LSAMP: variants seen among roughly 807,000 people sequenced by gnomAD.
The protein encoded by LSAMP is limbic system-associated membrane protein.
A neutral mutation model predicts 38.6 loss-of-function variants in LSAMP; 7 were observed. The observed-to-expected ratio is 0.18, with a 90% CI of 0.10 to 0.34. The LOEUF is 0.34. Ranked by LOEUF, LSAMP falls within the 10% of genes least tolerant of loss-of-function variation. The pLI is 1.00. For synonymous variants in LSAMP, 154 were observed against 166.8 expected (o/e 0.92, Z 0.59); for missense variants, 313 against 420.0 (o/e 0.75, Z 2.23).
rs762819739 is a variant in LSAMP, at chr3:115,808,440, C to T, written c.*1877G>A. On this transcript the variant is annotated 3_prime_UTR_variant, in exon 7 of 7. Transcript: ENST00000490035. ...TCTATATGCAGAGAGCCAGCTCTCT[C>T]GGCAAGACATTTCCTAAGAAATCCT... 2 of 152,120 alleles carry T rather than the reference C, an allele frequency of 1.3e-5. No individual in the cohort carries two copies. The highest frequency in any genetic ancestry group is 2.4e-5 in the African/African-American group (1 of 41,498). The allele number at this position is 152,120 out of a possible 1,614,324, so 9.4% of individuals were successfully genotyped here.
chr3:116,042,615 A>G (rs1941200087), intron 2 of LSAMP, among the ~76,000 whole-genome samples: 2 of 152,108 alleles, frequency 1.3e-5, no homozygotes, highest in Non-Finnish European at 2.9e-5. Flanking sequence ...ATTTTAGTAG[A>G]GACGGGGTTT....
chr3:115,972,794 A>T (rs1478205028), intron 3 of LSAMP, among the ~76,000 whole-genome samples: 1 of 150,784 alleles, frequency 6.6e-6, no homozygotes, highest in Non-Finnish European at 1.5e-5. Flanking sequence ...AATAATAGAT[A>T]TGTGATGCAG....
intron 1 of LSAMP, among the ~76,000 whole-genome samples, chr3:116,132,182 T>C (rs1249160649): frequency 1.3e-5 from 2 of 151,440 alleles, no homozygotes; most frequent in Non-Finnish European, 2.9e-5. Context: ...TGCTATACAC[T>C]GAAAACTACT....
Position 116,071,057 on chromosome 3 carries a change from A to T in LSAMP, c.388+15267T>A, listed in dbSNP as rs755357806. Among the ~76,000 whole-genome samples the T allele has an allele frequency of 4.5e-3, 394 of 87,840 alleles. 3 individuals carry two copies. The highest frequency in any genetic ancestry group is 0.018 in the Admixed American group (153 of 8,396). 57.6% of individuals were successfully genotyped at this position (87,840 alleles called of 152,430 possible). A position where few individuals can be genotyped will look rare whatever the true frequency, so the allele number is the denominator to read the frequency against. ...CTCCATCTCAAAATAAATAAATAATAAATAAATAAATAAATAAATAAATAA... is the reference window on the plus strand; with the variant it reads ...CTCCATCTCAAAATAAATAAATAATTAATAAATAAATAAATAAATAAATAA... On this transcript the variant is annotated intron_variant, in intron 2 of 6. Transcript: ENST00000490035.
At chr3:116,178,921 TCA>T (rs1453325224) in intron 1 of LSAMP, among the ~76,000 whole-genome samples, 2 of 152,166 alleles carry the variant, frequency 1.3e-5, no homozygotes, top group Non-Finnish European at 2.9e-5. Flanking sequence ...TGTAGCAGTC[TCA>T]GTCTTTGGGA....
chr3:115,889,880 G>C lies in LSAMP; in HGVS notation c.515-37263C>G, dbSNP rs114762018. ...GCGAAAAACATACAAATCATATTAAGAGCATCTTATATTGCATTTAAATAT... is the reference window on the plus strand; with the variant it reads ...GCGAAAAACATACAAATCATATTAACAGCATCTTATATTGCATTTAAATAT... On this transcript the variant is annotated intron_variant, in intron 3 of 6. Transcript: ENST00000490035. Among the ~76,000 whole-genome samples the C allele has an allele frequency of 6.4e-3, 967 of 151,972 alleles. 7 individuals carry two copies. Among genetic ancestry groups the C allele is most frequent in the Non-Finnish European group, 0.01 (710 of 67,892 alleles).
In LSAMP at chr3:115,891,509, A is replaced by G. The variant is rs1028572098; in HGVS notation, c.515-38892T>C. 2.6e-5 allele frequency among the ~76,000 whole-genome samples: 4 copies of G among 152,032 alleles called. No individual in the cohort carries two copies. The South Asian group carries it at 8.3e-4, about 31-fold the overall frequency. On this transcript the variant is annotated intron_variant, in intron 3 of 6. Transcript: ENST00000490035. ...ATGAGTGATCTCAGGTGAGATCAGC[A>G]GTCACCTGGCCCACCATCAGTGCTG...
At chr3:116,096,205 C>T (rs1218211020) in intron 1 of LSAMP, among the ~76,000 whole-genome samples, 1 of 152,202 alleles carries the variant, frequency 6.6e-6, no homozygotes, top group Non-Finnish European at 1.5e-5. Context: ...GGTACTTCCT[C>T]AGATTGTTGT....
At chr3:116,057,480 T>C (rs546391306) in intron 2 of LSAMP, among the ~76,000 whole-genome samples, 24 of 152,304 alleles carry the variant, frequency 1.6e-4, no homozygotes, top group African/African-American at 5.8e-4. Flanking sequence ...CAGATTACTA[T>C]GTCCCTTAGA....
chr3:115,857,328 C>T (rs748398527), intron 3 of LSAMP, among the ~76,000 whole-genome samples: 11 of 152,204 alleles, frequency 7.2e-5, no homozygotes, highest in African/African-American at 2.2e-4. Context: ...TTCTCCACTT[C>T]CTTCAGTTCT....
At chr3:115,924,964 C>T (rs762243514) in intron 3 of LSAMP, among the ~76,000 whole-genome samples, 1 of 152,166 alleles carries the variant, frequency 6.6e-6, no homozygotes, top group Admixed American at 6.5e-5. Flanking sequence ...TTGGGACATT[C>T]CCTCCCACAG....
chr3:116,104,075 A>G (rs1032212343), intron 1 of LSAMP, among the ~76,000 whole-genome samples: 6 of 151,970 alleles, frequency 3.9e-5, no homozygotes, highest in Admixed American at 1.3e-4. Flanking sequence ...GCCCACGTAG[A>G]TTTCTTTCCC....
At chr3:116,027,947 G>T (rs1273543726) in intron 2 of LSAMP, among the ~76,000 whole-genome samples, 1 of 152,122 alleles carries the variant, frequency 6.6e-6, no homozygotes, top group Admixed American at 6.5e-5. Context: ...ATTCAAAGAT[G>T]GGGCAAGGTG....
intron 1 of LSAMP, among the ~76,000 whole-genome samples, chr3:116,203,183 C>T (rs575708757): frequency 6.6e-6 from 1 of 152,168 alleles, no homozygotes; most frequent in Admixed American, 6.5e-5. Flanking sequence ...ATATTGAGCA[C>T]GTTTGTCTTA....
At chr3:116,368,474 A>C (rs1178942982) in intron 1 of LSAMP, among the ~76,000 whole-genome samples, 3 of 152,184 alleles carry the variant, frequency 2.0e-5, no homozygotes, top group Non-Finnish European at 1.5e-5. Flanking sequence ...TGATTGTCAA[A>C]ATTCTTAAAA....
intron 1 of LSAMP, among the ~76,000 whole-genome samples, chr3:116,243,258 C>T (rs1168800082): frequency 6.6e-6 from 1 of 152,154 alleles, no homozygotes; most frequent in Middle Eastern, 3.2e-3. Flanking sequence ...TTCCCTTCCT[C>T]CTGCCCTCTA....
intron 1 of LSAMP, among the ~76,000 whole-genome samples, chr3:116,203,551 C>A (rs1274139180): frequency 9.1e-6 from 1 of 110,298 alleles, no homozygotes; most frequent in Non-Finnish European, 1.8e-5. Context: ...CCTCCCCCCA[C>A]CCCCCACCCC....
chr3:115,841,681 C>T (rs1212980514), intron 6 of LSAMP, 164 bp downstream of exon 6: 10 of 571,446 alleles, frequency 1.7e-5, no homozygotes, highest in Non-Finnish European at 2.9e-5. Flanking sequence ...ATTTATAAAT[C>T]TCTGCTATGC....
At chr3:115,922,266 C>T (rs557816216) in intron 3 of LSAMP, among the ~76,000 whole-genome samples, 22 of 151,906 alleles carry the variant, frequency 1.4e-4, no homozygotes, top group Admixed American at 3.3e-4. Flanking sequence ...TTTTTTAGTT[C>T]CTTGTTTTCT....
Sources: allele counts gnomAD v4.1 joint callset (sites outside exome capture counted in the v4.1 genomes callset), GRCh38; gene constraint gnomAD v4.1.1; transcripts MANE v1.5; gene names NCBI Gene and HGNC (gene_info 2026-07-23, HGNC 2026-07-21).